The following ITGA7 variants were observed in gnomAD, a reference collection of about 807,000 sequenced individuals.
The protein encoded by ITGA7 is integrin subunit alpha 7, also known as integrin alpha-7.
A neutral mutation model predicts 131.6 loss-of-function variants in ITGA7; 84 were observed. That is an observed-to-expected ratio of 0.64 (90% CI 0.54 to 0.77). The LOEUF (loss-of-function observed/expected upper bound fraction) is 0.77, where lower values mean the gene tolerates loss of function less well. ITGA7 is among the 30% of genes least tolerant of loss of function. ITGA7 has a pLI of 0.00. For synonymous variants in ITGA7, 548 were observed against 600.7 expected (o/e 0.91, Z 1.28); for missense variants, 1,399 against 1,482.9 (o/e 0.94, Z 0.93).
chr12:55,709,745 G>A (rs1302942941), upstream of ITGA7, among the ~76,000 whole-genome samples: 1 of 143,810 alleles, frequency 7.0e-6, no homozygotes, highest in Non-Finnish European at 1.5e-5. Context: ...TGCACCTGCA[G>A]CTTCTGCCTG....
At position 55,685,068 on chromosome 12, in the gene ITGA7, C is replaced by T. The variant is rs747567555; in HGVS notation, c.3404G>A (p.Gly1135Asp). The T allele has an allele frequency of 5.7e-6, 9 of 1,588,710 alleles. No homozygotes were observed. Among genetic ancestry groups the T allele is most frequent in the African/African-American group, 4.0e-5 (3 of 74,774 alleles). Residue 1135 changes from glycine (G) to aspartate (D), a missense_variant, in exon 25 of 25, where the codon GGC becomes GAC. Physicochemically the swap from Gly to Asp is moderately conservative, Grantham distance 94. Transcript: ENST00000257879. ...ELGPDGHPGP[G>D]TA The stretch of plus-strand genomic sequence containing the variant: ...CTGGGACATGGGAACCTAGGCGGTG[C>T]CTGGCCCTGGATGCCCATCGGGGCC...
chr12:55,699,771 G>A, intron 5 of ITGA7, 99 bp downstream of exon 5: 1 of 1,407,876 alleles, frequency 7.1e-7, no homozygotes, highest in Non-Finnish European at 9.8e-7. Flanking sequence ...TGTGTGTTGG[G>A]GGAGGAGGAG....
intron 4 of ITGA7, 71 bp from the exon 5 acceptor site, chr12:55,700,060 C>A (rs1285451123): frequency 7.0e-6 from 11 of 1,573,504 alleles, no homozygotes; most frequent in African/African-American, 1.4e-5. Context: ...GGAGACAGAG[C>A]CACAGAAAGG....
Position 55,707,332 on chromosome 12 carries a change from G to A in ITGA7, c.206+145C>T, listed in dbSNP as rs7304662. 4.8e-3 allele frequency: 3,303 copies of A among 683,006 alleles called. 84 individuals carry two copies. In the African/African-American group the frequency reaches 0.054, roughly 11 times the overall value. The allele number at this position is 683,006 out of a possible 1,614,324, so 42.3% of individuals were successfully genotyped here. On this transcript the variant is annotated intron_variant, in intron 1 of 24. Coordinates refer to ENST00000257879, the MANE Select transcript of ITGA7 (RefSeq NM_002206.3). ...TTCAGACGCAAGCCAGATGAGGCAA[G>A]GCTCCAGGTTGGGATGTGGGATGTC...
At chr12:55,695,245 TCCTA>T in intron 14 of ITGA7, 1 of 596,702 alleles carries the variant, frequency 1.7e-6, no homozygotes. Flanking sequence ...CTAATATAAT[TCCTA>T]CCTCACAGAG....
intron 3 of ITGA7, chr12:55,701,452 A>G (rs1170371785): frequency 6.5e-7 from 1 of 1,549,394 alleles, no homozygotes; most frequent in South Asian, 1.2e-5. Flanking sequence ...AAGCCACCAC[A>G]TAGGATGTGT....
chr12:55,716,052 A>C (rs1225004965), upstream of ITGA7: 1 of 1,554,064 alleles, frequency 6.4e-7, no homozygotes, highest in Admixed American at 2.0e-5. Context: ...GTCACGTGAC[A>C]TGGCCCCGGG....
intron 21 of ITGA7, among the ~76,000 whole-genome samples, chr12:55,691,210 T>C (rs12425727): frequency 0.49 from 74,240 of 151,944 alleles, 19,838 homozygotes; most frequent in East Asian, 0.94. Context: ...GTAAGCCAGA[T>C]TCAGAAAGAT....
At position 55,701,068 on chromosome 12, in the gene ITGA7, G is replaced by A. The variant is rs1873897001; in HGVS notation, c.501C>T (p.Ser167=). The A allele has an allele frequency of 2.5e-6, 4 of 1,614,224 alleles. No individual in the cohort carries two copies. Among genetic ancestry groups the A allele is most frequent in the Non-Finnish European group, 3.4e-6 (4 of 1,180,042 alleles). Residue 167 remains serine, a synonymous_variant, in exon 4 of 25, where the codon AGC becomes AGT. Transcript: ENST00000257879. The part of the protein sequence containing the change: ...RDMIGRCFVL[S]QDLAIRDELD... ...ACTCATCCCGGATGGCCAGGTCCTG[G>A]CTGAGCACAAAGCAGCGACCAATCA...
chr12:55,700,430 G>A (rs199903458), intron 4 of ITGA7: 27 of 1,577,478 alleles, frequency 1.7e-5, no homozygotes, highest in Middle Eastern at 4.6e-4. Flanking sequence ...AGGGCAGGGC[G>A]CAAGGAACAC....
chr12:55,713,586 T>A (rs942619513), upstream of ITGA7, among the ~76,000 whole-genome samples: 3 of 152,216 alleles, frequency 2.0e-5, no homozygotes, highest in Admixed American at 2.0e-4. Context: ...CACAGAACTG[T>A]TCTAGGGATT....
intron 4 of ITGA7, chr12:55,700,512 C>A: frequency 7.9e-7 from 1 of 1,262,286 alleles, no homozygotes; most frequent in Non-Finnish European, 1.1e-6. Context: ...CCTCTCCCCA[C>A]CCTGTCCCCA....
At chr12:55,715,856 C>A, upstream of ITGA7, 2 of 661,616 alleles carry the variant, frequency 3.0e-6, no homozygotes, top group Non-Finnish European at 4.7e-6. Flanking sequence ...CTGAGATCCA[C>A]AGGAAATGTT....
intron 3 of ITGA7, among the ~76,000 whole-genome samples, chr12:55,702,222 C>T (rs1294728095): frequency 1.3e-5 from 2 of 152,134 alleles, no homozygotes; most frequent in East Asian, 3.9e-4. Flanking sequence ...CTCTGTCACC[C>T]AGGCTGGAGC....
At position 55,695,567 on chromosome 12, in the gene ITGA7, C is replaced by T. The variant is rs1872460000; in HGVS notation, c.1958G>A (p.Arg653His). The T allele has an allele frequency of 1.9e-6, 3 of 1,613,778 alleles. No individual in the cohort carries two copies. The highest frequency in any genetic ancestry group is 1.3e-5 in the African/African-American group (1 of 74,902). ...CQSNLQLVRA[R>H]FCTRVSDTEF... ...CGTGTCGCTGACCCGGGTACAGAAG[C>T]GGGCGCGGACCAGCTGCAGATTGCT... Residue 653 changes from arginine to histidine, a missense_variant, in exon 14 of 25, where the codon CGC becomes CAC. Physicochemically the swap from Arg to His is conservative, Grantham distance 29 (BLOSUM62 0). Transcript: ENST00000257879.
At chr12:55,687,779 T>G (rs984132930) in intron 24 of ITGA7, among the ~76,000 whole-genome samples, 192 bp downstream of exon 24, 8 of 152,194 alleles carry the variant, frequency 5.3e-5, no homozygotes, top group African/African-American at 9.7e-5. Context: ...CATGAGCCAC[T>G]GCACCCAGCC....
chr12:55,696,430 T>C lies in ITGA7; in HGVS notation c.1740A>G (p.Glu580=), dbSNP rs1220460186. ...VCGDAMFQLQ[E]NVKDKLRAIV... ...TGGCCCGAAGCTTGTCTTTGACATTTTCCTAGGAAGAGGAAGGTCTATTCC... is the reference window on the plus strand; with the variant it reads ...TGGCCCGAAGCTTGTCTTTGACATTCTCCTAGGAAGAGGAAGGTCTATTCC... Residue 580 remains glutamate (E), a splice_region_variant and synonymous_variant, in exon 13 of 25, where the codon GAA becomes GAG. Transcript: ENST00000257879. 4 of 1,597,552 alleles carry C rather than the reference T, an allele frequency of 2.5e-6. No individual in the cohort carries two copies. The highest frequency in any genetic ancestry group is 2.3e-5 in the South Asian group (2 of 88,388).
At chr12:55,714,241 G>C (rs4759189), upstream of ITGA7, among the ~76,000 whole-genome samples, 1 of 147,592 alleles carries the variant, frequency 6.8e-6, no homozygotes, top group African/African-American at 2.5e-5. Context: ...GGCCGGGCGC[G>C]GTGGCTCACG....
chr12:55,693,018 C>G (rs1247919248), intron 20 of ITGA7, 43 bp from the exon 21 acceptor site: 1 of 1,613,870 alleles, frequency 6.2e-7, no homozygotes, highest in Non-Finnish European at 8.5e-7. Flanking sequence ...CCTCCAATCA[C>G]AGCAGTGCTA....
Sources: gnomAD v4.1 joint callset for allele counts (sites outside exome capture counted in the v4.1 genomes callset) on GRCh38, gnomAD v4.1.1 for gene constraint, MANE v1.5 for transcripts, NCBI Gene and HGNC (gene_info 2026-07-23, HGNC 2026-07-21) for gene names.